Variants in TTLL1 observed in about 807,000 individuals in gnomAD.
TTLL1 encodes the protein polyglutamylase complex subunit TTLL1.
A neutral mutation model predicts 47.8 loss-of-function variants in TTLL1; 33 were observed. The ratio of observed to expected loss-of-function variants is 0.69; its 90% CI spans 0.52 to 0.92. The LOEUF (loss-of-function observed/expected upper bound fraction) is 0.92, where lower values mean the gene tolerates loss of function less well. TTLL1 is among the 40% of genes least tolerant of loss of function. The pLI, the probability that TTLL1 is intolerant of heterozygous loss-of-function variation, is 0.00. For synonymous variants in TTLL1, 225 were observed against 214.1 expected, an observed-to-expected ratio of 1.05 and a Z score of -0.45; for missense variants, 488 against 547.5, an observed-to-expected ratio of 0.89 and a Z score of 1.08.
At chr22:43,076,540 A>G (rs1162340384) in intron 2 of TTLL1, among the ~76,000 whole-genome samples, 1 of 152,050 alleles carries the variant, frequency 6.6e-6, no homozygotes, top group South Asian at 2.1e-4. Context: ...TCATGAGGTC[A>G]GGAGATTGAG....
intron 2 of TTLL1, 108 bp from the exon 3 acceptor site, chr22:43,075,698 G>T (rs557282563): frequency 1.4e-5 from 13 of 928,594 alleles, no homozygotes; most frequent in Middle Eastern, 5.1e-4. Flanking sequence ...ATCTTACCCC[G>T]GCAATGGTTC....
Position 43,040,101 on chromosome 22 carries a change from C to T in TTLL1, c.1143-196G>A, listed in dbSNP as rs1238362675. 1.9e-5 allele frequency: 12 copies of T among 618,370 alleles called. No individual in the cohort carries two copies. In the Admixed American group the frequency reaches 3.1e-4, roughly 16 times the overall value. The allele number at this position is 618,370 out of a possible 1,614,324, so 38.3% of individuals were successfully genotyped here. A position where few individuals can be genotyped will look rare whatever the true frequency, so the allele number is the denominator to read the frequency against. On this transcript the variant is annotated intron_variant, in intron 10 of 10. Coordinates refer to ENST00000266254, the MANE Select transcript of TTLL1 (RefSeq NM_012263.5). ...CCTGCCTGCCAGGTGGCTCTCGCAG[C>T]CCAGCAAATGCTCCCCAAGGCCAGC...
At chr22:43,064,543 G>A (rs1240087562) in intron 5 of TTLL1, among the ~76,000 whole-genome samples, 3 of 151,790 alleles carry the variant, frequency 2.0e-5, no homozygotes, top group South Asian at 2.1e-4. Flanking sequence ...TGGTCAACAC[G>A]GTGAAACCCC....
intron 10 of TTLL1, 182 bp from the exon 11 acceptor site, chr22:43,040,087 G>T: frequency 1.4e-6 from 1 of 708,156 alleles, no homozygotes; most frequent in East Asian, 3.0e-5. Context: ...CTGCCTGCCA[G>T]GTGGCTCTCG....
At chr22:43,077,583 GC>G (rs1250485139) in intron 2 of TTLL1, among the ~76,000 whole-genome samples, 1 of 152,196 alleles carries the variant, frequency 6.6e-6, no homozygotes, top group East Asian at 1.9e-4. Flanking sequence ...GAAACTGGCT[GC>G]TGTCCCAGGC....
chr22:43,087,837 C>CA (rs134988), intron 1 of TTLL1, among the ~76,000 whole-genome samples: 5,223 of 62,780 alleles, frequency 0.083, 707 homozygotes, highest in African/African-American at 0.26. Flanking sequence ...GAGACGGTCT[C>CA]AAAAAAAAAA....
intron 1 of TTLL1, among the ~76,000 whole-genome samples, chr22:43,084,755 C>T (rs1245567616): frequency 1.3e-5 from 2 of 151,992 alleles, no homozygotes; most frequent in African/African-American, 4.8e-5. Flanking sequence ...CCCGCCTCAG[C>T]CTCCCAAAGT....
intron 4 of TTLL1, among the ~76,000 whole-genome samples, chr22:43,069,224 A>G (rs1296788610): frequency 7.6e-6 from 1 of 132,132 alleles, no homozygotes; most frequent in Non-Finnish European, 1.6e-5. Context: ...AAAATACAAA[A>G]AAAAAAAAAA....
At chr22:43,041,350 TC>T (rs1925663222) in intron 10 of TTLL1, 1 of 152,146 alleles carries the variant, frequency 6.6e-6, no homozygotes, top group Non-Finnish European at 1.5e-5. Context: ...TGAGTGCTAA[TC>T]ATGTGGACTT....
At chr22:43,049,663 G>A (rs1601659489) in intron 9 of TTLL1, among the ~76,000 whole-genome samples, 1 of 151,638 alleles carries the variant, frequency 6.6e-6, no homozygotes, top group African/African-American at 2.4e-5. Flanking sequence ...CAGCTACTCA[G>A]GAGGCTGAGG....
intron 9 of TTLL1, among the ~76,000 whole-genome samples, chr22:43,051,341 G>A (rs909288356): frequency 2.6e-5 from 4 of 152,266 alleles, no homozygotes; most frequent in Non-Finnish European, 5.9e-5. Context: ...AGAGGCAGAG[G>A]AATCCACTTC....
intron 8 of TTLL1, among the ~76,000 whole-genome samples, chr22:43,056,802 A>G (rs1927045097): frequency 6.6e-6 from 1 of 151,526 alleles, no homozygotes; most frequent in Admixed American, 6.6e-5. Context: ...AAACAAAACA[A>G]AAACATTAAA....
intron 9 of TTLL1, among the ~76,000 whole-genome samples, chr22:43,051,194 G>T (rs1167175609): frequency 6.6e-6 from 1 of 152,250 alleles, no homozygotes; most frequent in Non-Finnish European, 1.5e-5. Context: ...AGCAACGGTT[G>T]GGCAAGGTGG....
rs200079395 is a variant in TTLL1, at chr22:43,059,411, G to A, written c.864C>T (p.Ile288=). The part of the protein sequence containing the change: ...TSKLFDEIHW[I]IVQSLKAVAP... ...CCACAGCCTTCAGGGACTGCACGAT[G>A]ATCCAGTGGATCTCGTCGAACAGCT... is the stretch of plus-strand genomic sequence containing the variant. The change falls in exon 8 of 11, where the codon ATC becomes ATT. Residue 288 remains isoleucine (I), a synonymous_variant. Transcript: ENST00000266254. The A allele has an allele frequency of 8.7e-6, 14 of 1,613,832 alleles. No homozygotes were observed. The Admixed American group carries it at 2.3e-4, about 27-fold the overall frequency.
At chr22:43,064,863 T>A (rs118135116) in intron 5 of TTLL1, among the ~76,000 whole-genome samples, 2,449 of 152,160 alleles carry the variant, frequency 0.016, 31 homozygotes, top group Admixed American at 0.026. Context: ...ATGGTGGATC[T>A]GGACGAGCTT....
chr22:43,085,211 C>A (rs1479321210), intron 1 of TTLL1, among the ~76,000 whole-genome samples: 1 of 151,326 alleles, frequency 6.6e-6, no homozygotes, highest in South Asian at 2.1e-4. Context: ...CTCCTGACCT[C>A]GTGATCCGCC....
chr22:43,074,316 A>G (rs973205159), intron 3 of TTLL1, among the ~76,000 whole-genome samples: 2 of 151,590 alleles, frequency 1.3e-5, no homozygotes, highest in Non-Finnish European at 2.9e-5. Context: ...AATCCCAGCT[A>G]CTAGGGAGGC....
At chr22:43,067,690 G>A (rs1332390899) in intron 5 of TTLL1, among the ~76,000 whole-genome samples, 1 of 152,108 alleles carries the variant, frequency 6.6e-6, no homozygotes, top group African/African-American at 2.4e-5. Flanking sequence ...CACAGAACAG[G>A]CCAGGAACAG....
Position 43,083,300 on chromosome 22 carries a change from T to C in TTLL1, c.-89-3314A>G, listed in dbSNP as rs1039361243. ...AGGAGAATGGTGTGAACCTGGGAGG[T>C]AGAGCTTGCAGTGAGCCAAGATTGC... is the stretch of plus-strand genomic sequence containing the variant. On this transcript the variant is annotated intron_variant, in intron 1 of 10. Transcript: ENST00000266254. Among the ~76,000 whole-genome samples, 5 of 150,694 alleles carry C rather than the reference T, an allele frequency of 3.3e-5. No homozygotes were observed. The East Asian group carries it at 1.0e-3, about 30-fold the overall frequency.
Sources: allele counts gnomAD v4.1 joint callset (sites outside exome capture counted in the v4.1 genomes callset), GRCh38; gene constraint gnomAD v4.1.1; transcripts MANE v1.5; gene names NCBI Gene and HGNC (gene_info 2026-07-23, HGNC 2026-07-21).